NEDD9: variants seen among roughly 807,000 people sequenced by gnomAD.
NEDD9 encodes enhancer of filamentation 1.
NEDD9 carries 26 observed loss-of-function variants against 76.6 expected under a neutral mutation model. The ratio of observed to expected loss-of-function variants is 0.34; its 90% CI spans 0.25 to 0.47. NEDD9 has a LOEUF of 0.47. Ranked by LOEUF, NEDD9 falls within the 20% of genes least tolerant of loss-of-function variation. The pLI is 1.00. For missense variants in NEDD9, 937 were observed against 1,058.5 expected, an observed-to-expected ratio of 0.89 and a Z score of 1.59; for synonymous variants, 392 against 414.2, an observed-to-expected ratio of 0.95 and a Z score of 0.65.
intron 1 of NEDD9, among the ~76,000 whole-genome samples, chr6:11,350,794 T>A (rs1762452056): frequency 1.3e-5 from 2 of 152,074 alleles, no homozygotes; most frequent in South Asian, 2.1e-4. Context: ...AGTGAGCAAG[T>A]GGTCGGGATG....
chr6:11,239,902 G>T (rs1394023968), intron 3 of NEDD9, among the ~76,000 whole-genome samples: 2 of 151,894 alleles, frequency 1.3e-5, no homozygotes, highest in African/African-American at 4.8e-5. Context: ...AAATTAGCTG[G>T]GCATGGTGGT....
Position 11,354,679 on chromosome 6 carries a change from T to C in NEDD9, c.-213-20118A>G, listed in dbSNP as rs1338330866. Among the ~76,000 whole-genome samples, 3 of 152,288 alleles carry C rather than the reference T, an allele frequency of 2.0e-5. 1 individual carries two copies. Among genetic ancestry groups the C allele is most frequent in the Non-Finnish European group, 4.4e-5 (3 of 68,022 alleles). On this transcript the variant is annotated intron_variant, in intron 1 of 3. Coordinates refer to the NEDD9 transcript ENST00000397378. ...CTAGGAACCATCTTTTGACTTTCTT[T>C]TGGGAGACTTGCATTTCTCTCTTCT...
Position 11,200,979 on chromosome 6 carries a change from G to T in NEDD9, c.460-7287C>A, listed in dbSNP as rs1363710592. The T allele has an allele frequency of 3.7e-6, 6 of 1,614,128 alleles. No homozygotes were observed. The East Asian group carries it at 8.9e-5, about 24-fold the overall frequency. ...ATCAGATGAGATCTTTTCAGTGGAGGTTCACAAGCTGGTTTGTTTAGAGGC... is the reference window on the plus strand; with the variant it reads ...ATCAGATGAGATCTTTTCAGTGGAGTTTCACAAGCTGGTTTGTTTAGAGGC... On this transcript the variant is annotated intron_variant, in intron 2 of 6. Transcript: ENST00000379446.
chr6:11,310,500 C>A (rs1338976432), intron 2 of NEDD9, among the ~76,000 whole-genome samples: 1 of 152,178 alleles, frequency 6.6e-6, no homozygotes, highest in Non-Finnish European at 1.5e-5. Context: ...AAACCACACA[C>A]CCTGCAGATG....
chr6:11,211,815 CA>C (rs1372246071), intron 2 of NEDD9, among the ~76,000 whole-genome samples: 2 of 152,268 alleles, frequency 1.3e-5, no homozygotes, highest in African/African-American at 4.8e-5. Context: ...CTTTTTATAT[CA>C]AAGGTGATTT....
At chr6:11,186,055 C>A (rs1757974104) in intron 6 of NEDD9, among the ~76,000 whole-genome samples, 1 of 151,808 alleles carries the variant, frequency 6.6e-6, no homozygotes, top group African/African-American at 2.4e-5. Flanking sequence ...TGAGGGGTGG[C>A]AAGGGAAAAC....
intron 1 of NEDD9, among the ~76,000 whole-genome samples, chr6:11,341,973 T>C (rs1352653839): frequency 6.6e-6 from 1 of 152,074 alleles, no homozygotes; most frequent in Non-Finnish European, 1.5e-5. Context: ...TGTGAGTAAA[T>C]GAGGAATTTT....
At chr6:11,374,080 A>C (rs200802108) in intron 1 of NEDD9, among the ~76,000 whole-genome samples, 10 of 150,344 alleles carry the variant, frequency 6.7e-5, no homozygotes. Context: ...ATATATATGT[A>C]TATATATACA....
chr6:11,300,936 T>C (rs1312241055), intron 3 of NEDD9, among the ~76,000 whole-genome samples: 1 of 152,140 alleles, frequency 6.6e-6, no homozygotes, highest in East Asian at 1.9e-4. Flanking sequence ...AGACCATTGA[T>C]GCTATGAAGA....
intron 1 of NEDD9, among the ~76,000 whole-genome samples, chr6:11,375,020 G>T (rs60361074): frequency 0.019 from 2,846 of 152,134 alleles, 88 homozygotes; most frequent in African/African-American, 0.066. Flanking sequence ...CTTCTAACTT[G>T]AGGCAAAATT....
rs1385292059 is a variant in NEDD9 at position 11,192,358 on chromosome 6, G to A, written c.650C>T (p.Pro217Leu). The A allele has an allele frequency of 3.2e-6, 5 of 1,582,766 alleles. No individual in the cohort carries two copies. Among genetic ancestry groups the A allele is most frequent in the South Asian group, 1.2e-5 (1 of 86,448 alleles). The change falls in exon 4 of 7, where the codon CCG becomes CTG. Residue 217 changes from proline (P) to leucine (L), a missense_variant. Coordinates refer to ENST00000379446, the MANE Select transcript of NEDD9 (RefSeq NM_006403.4). ...EIKPQGVYDI[P>L]PTKGVYAIPP... ...TCACTCACTCACCCCTTTTGTAGGC[G>A]GGATGTCATACACCCCTTGAGGTTT...
intron 3 of NEDD9, among the ~76,000 whole-genome samples, chr6:11,244,006 C>T (rs1437077922): frequency 1.3e-5 from 2 of 152,182 alleles, no homozygotes; most frequent in Non-Finnish European, 2.9e-5. Flanking sequence ...GAGGAGATAA[C>T]ATTTAAATCA....
chr6:11,211,374 A>G (rs1459575626), intron 2 of NEDD9, among the ~76,000 whole-genome samples: 1 of 152,208 alleles, frequency 6.6e-6, no homozygotes, highest in Non-Finnish European at 1.5e-5. Context: ...GGGTCTAAAA[A>G]GGAAAACACG....
In NEDD9 at chr6:11,373,850, G is replaced by T. The variant is rs182252642; in HGVS notation, c.-214+8289C>A. On this transcript the variant is annotated intron_variant, in intron 1 of 3. Coordinates refer to the NEDD9 transcript ENST00000397378. ...ACAAATGACCTTCCATAATGTAGGTGGGCCTCCAATCAGTTGAAGGCCTTA... is the reference window on the plus strand; with the variant it reads ...ACAAATGACCTTCCATAATGTAGGTTGGCCTCCAATCAGTTGAAGGCCTTA... Among the ~76,000 whole-genome samples, 10 of 152,234 alleles carry T rather than the reference G, an allele frequency of 6.6e-5. No homozygotes were observed. The East Asian group carries it at 1.7e-3, about 26-fold the overall frequency.
At chr6:11,378,934 A>G (rs527852092) in intron 1 of NEDD9, among the ~76,000 whole-genome samples, 26 of 152,298 alleles carry the variant, frequency 1.7e-4, no homozygotes, top group African/African-American at 5.3e-4. Flanking sequence ...CTACCATACA[A>G]TGGAGCTTGT....
chr6:11,289,534 C>A (rs1760720605), intron 3 of NEDD9, among the ~76,000 whole-genome samples: 1 of 151,624 alleles, frequency 6.6e-6, no homozygotes, highest in Admixed American at 6.6e-5. Context: ...CTCACCTCAA[C>A]CCCCACCTCC....
intron 6 of NEDD9, 33 bp from the exon 7 acceptor site, chr6:11,185,704 G>C (rs771500607): frequency 6.2e-7 from 1 of 1,608,664 alleles, no homozygotes; most frequent in Non-Finnish European, 8.5e-7. Flanking sequence ...TCTCATTAGA[G>C]CAAGGGAGTG....
chr6:11,312,585 T>C (rs1761403697), intron 2 of NEDD9, among the ~76,000 whole-genome samples: 2 of 152,070 alleles, frequency 1.3e-5, no homozygotes, highest in Non-Finnish European at 1.5e-5. Flanking sequence ...TCATGTGAGT[T>C]CCCAATCTCT....
chr6:11,280,339 G>C (rs1013811870), intron 3 of NEDD9, among the ~76,000 whole-genome samples: 1 of 152,196 alleles, frequency 6.6e-6, no homozygotes, highest in Admixed American at 6.5e-5. Context: ...TGAGGTGTGT[G>C]GGCTGTTGTC....
Sources: allele counts gnomAD v4.1 joint callset (sites outside exome capture counted in the v4.1 genomes callset), GRCh38; gene constraint gnomAD v4.1.1; transcripts MANE v1.5; gene names NCBI Gene and HGNC (gene_info 2026-07-23, HGNC 2026-07-21).